The following CYP2C18 variants were observed in gnomAD, a reference collection of about 807,000 sequenced individuals.
The protein encoded by CYP2C18 is cytochrome P450 2C18.
Under a neutral mutation model 41.3 loss-of-function variants are expected in CYP2C18, and 38 were observed. The observed-to-expected ratio is 0.92, with a 90% CI of 0.71 to 1.21. The LOEUF is 1.21. CYP2C18 is among the 50% of genes most tolerant of loss of function. The pLI is 0.00. For missense variants in CYP2C18, 635 were observed against 591.4 expected (o/e 1.07, Z -0.77); for synonymous variants, 236 against 210.0 (o/e 1.12, Z -1.07).
At chr10:94,698,929 G>A (rs935191886) in intron 4 of CYP2C18, among the ~76,000 whole-genome samples, 27 of 152,116 alleles carry the variant, frequency 1.8e-4, no homozygotes, top group African/African-American at 6.5e-4. Flanking sequence ...AATAAACCAG[G>A]AAGAAGTTGA....
intron 1 of CYP2C18, among the ~76,000 whole-genome samples, chr10:94,687,248 TG>T (rs1401933861): frequency 2.0e-4 from 31 of 152,286 alleles, no homozygotes; most frequent in African/African-American, 7.0e-4. Flanking sequence ...TAGAATCATT[TG>T]GGTGATTTAA....
Position 94,712,015 on chromosome 10 carries a change from T to A in CYP2C18, c.819+5055T>A, listed in dbSNP as rs959201250. 1.7e-3 allele frequency among the ~76,000 whole-genome samples: 248 copies of A among 145,102 alleles called. 11 individuals are homozygous for A. The highest frequency in any genetic ancestry group is 6.2e-3 in the African/African-American group (241 of 38,700). On this transcript the variant is annotated intron_variant, in intron 5 of 8. Transcript: ENST00000285979. Reference sequence around the variant, plus strand: ...TGCCACCATGCCCAACTAATTTTTTTTTTTTTTTTTTTTGTAGAGATAGGG... The same window carrying A: ...TGCCACCATGCCCAACTAATTTTTTATTTTTTTTTTTTTGTAGAGATAGGG...
intron 3 of CYP2C18, among the ~76,000 whole-genome samples, chr10:94,691,150 A>G (rs780290337): frequency 6.6e-6 from 1 of 152,184 alleles, no homozygotes; most frequent in Non-Finnish European, 1.5e-5. Flanking sequence ...CCCGTTCAAC[A>G]TAGTGTCGGA....
intron 5 of CYP2C18, among the ~76,000 whole-genome samples, chr10:94,714,119 C>A (rs1847497070): frequency 6.6e-6 from 1 of 152,034 alleles, no homozygotes; most frequent in Admixed American, 6.6e-5. Context: ...TTCTCTCATT[C>A]TTTAGGTTGC....
intron 3 of CYP2C18, 29 bp downstream of exon 3, chr10:94,688,303 T>C (rs767208517): frequency 6.3e-7 from 1 of 1,577,070 alleles, no homozygotes; most frequent in Non-Finnish European, 8.6e-7. Context: ...TCCTGAAAAA[T>C]GTTTTCTAAA....
rs865843754 is a variant in CYP2C18 at position 94,735,469 on chromosome 10, C to T, written c.*25C>T. On this transcript the variant is annotated 3_prime_UTR_variant, in exon 9 of 9. Coordinates refer to ENST00000285979, the MANE Select transcript of CYP2C18 (RefSeq NM_000772.3). ...AAGAAGGGCAGATAGTTTGGCTGCT[C>T]CTGTGCTGTCACCTGCAATTCTCCC... 6.2e-7 allele frequency: 1 copy of T among 1,611,568 alleles called. No individual in the cohort carries two copies. Among genetic ancestry groups the T allele is most frequent in the Non-Finnish European group, 8.5e-7 (1 of 1,177,990 alleles).
At chr10:94,690,954 G>A (rs554430425) in intron 3 of CYP2C18, among the ~76,000 whole-genome samples, 2 of 149,288 alleles carry the variant, frequency 1.3e-5, no homozygotes, top group African/African-American at 4.9e-5. Context: ...TGCAGAAAAG[G>A]CCTTTGACAA....
intron 7 of CYP2C18, among the ~76,000 whole-genome samples, chr10:94,725,578 A>G (rs1296323710): frequency 1.3e-5 from 2 of 152,144 alleles, no homozygotes; most frequent in African/African-American, 4.8e-5. Context: ...ACATCTCACC[A>G]GTGAGAATGA....
At chr10:94,723,846 TAG>T (rs1396636673) in intron 6 of CYP2C18, among the ~76,000 whole-genome samples, 3 of 152,178 alleles carry the variant, frequency 2.0e-5, no homozygotes, top group African/African-American at 7.2e-5. Context: ...AAGAAACTTC[TAG>T]AATGTTTCAA....
intron 7 of CYP2C18, among the ~76,000 whole-genome samples, chr10:94,728,975 G>C (rs542235927): frequency 6.6e-6 from 1 of 152,158 alleles, no homozygotes; most frequent in African/African-American, 2.4e-5. Flanking sequence ...CTCGGGAGGG[G>C]ACCCGCTTTC....
rs1191211922 is a variant in CYP2C18 at position 94,694,924 on chromosome 10, C to T, written c.489C>T (p.Pro163=). The change falls in exon 4 of 9, where the codon CCC becomes CCT. Residue 163 remains proline, a synonymous_variant. Transcript: ENST00000285979. ...ATATTTCCAATCCTTTAGCCTCACC[C>T]TGTGATCCCACTTTCATCCTGGGCT... ...VEELRKTNAS[P]CDPTFILGCA... 2 of 1,611,962 alleles carry T rather than the reference C, an allele frequency of 1.2e-6. No individual in the cohort carries two copies. Among genetic ancestry groups the T allele is most frequent in the East Asian group, 4.5e-5 (2 of 44,828 alleles).
chr10:94,703,425 C>A (rs764846865), intron 4 of CYP2C18, among the ~76,000 whole-genome samples: 5 of 152,196 alleles, frequency 3.3e-5, no homozygotes, highest in African/African-American at 1.2e-4. Context: ...TTCACAGATG[C>A]CATGCCCAGA....
At chr10:94,723,969 A>T (rs1847689308) in intron 6 of CYP2C18, among the ~76,000 whole-genome samples, 1 of 152,144 alleles carries the variant, frequency 6.6e-6, no homozygotes, top group Admixed American at 6.6e-5. Context: ...CTGTTAGTAG[A>T]ATTAAAGTTT....
At chr10:94,710,481 T>C (rs1428788858) in intron 5 of CYP2C18, among the ~76,000 whole-genome samples, 20 of 152,226 alleles carry the variant, frequency 1.3e-4, no homozygotes, top group Admixed American at 1.3e-3. Flanking sequence ...TAATGCCATT[T>C]TAACGATATT....
At chr10:94,716,822 C>T (rs1248923141) in intron 5 of CYP2C18, among the ~76,000 whole-genome samples, 5 of 152,086 alleles carry the variant, frequency 3.3e-5, no homozygotes. Flanking sequence ...GTCTAATTAT[C>T]TTCGTAGGTC....
chr10:94,707,071 G>A lies in CYP2C18; in HGVS notation c.819+111G>A. The A allele has an allele frequency of 6.6e-6, 5 of 756,576 alleles. No homozygotes were observed. The South Asian group carries it at 7.3e-5, about 11-fold the overall frequency. The allele number at this position is 756,576 out of a possible 1,614,324, so 46.9% of individuals were successfully genotyped here. A position where few individuals can be genotyped will look rare whatever the true frequency, so the allele number is the denominator to read the frequency against. Reference sequence around the variant, plus strand: ...CATGAGCACTTTATGTACTTACCATGTGTATAGATCTGGATGAAGCACCAT... The same window carrying A: ...CATGAGCACTTTATGTACTTACCATATGTATAGATCTGGATGAAGCACCAT... On this transcript the variant is annotated intron_variant, in intron 5 of 8. Coordinates refer to ENST00000285979, the MANE Select transcript of CYP2C18 (RefSeq NM_000772.3).
chr10:94,708,788 GT>G (rs1564643404), intron 5 of CYP2C18, among the ~76,000 whole-genome samples: 2 of 152,014 alleles, frequency 1.3e-5, no homozygotes, highest in African/African-American at 4.8e-5. Flanking sequence ...GTCTCTATAG[GT>G]TTGCTATTGT....
At chr10:94,691,806 G>A (rs971929755) in intron 3 of CYP2C18, among the ~76,000 whole-genome samples, 3 of 152,142 alleles carry the variant, frequency 2.0e-5, no homozygotes, top group African/African-American at 7.2e-5. Flanking sequence ...AAACAGCATG[G>A]TACTGGTACC....
Position 94,735,518 on chromosome 10 carries a change from C to CATACACA in CYP2C18, c.*74_*75insATACACA. 1 of 1,441,238 alleles carries CATACACA rather than the reference C, an allele frequency of 6.9e-7. No homozygotes were observed. Among genetic ancestry groups the CATACACA allele is most frequent in the South Asian group, 1.2e-5 (1 of 85,200 alleles). 89.3% of individuals were successfully genotyped at this position (1,441,238 alleles called of 1,614,324 possible). On this transcript the variant is annotated 3_prime_UTR_variant, in exon 9 of 9. Transcript: ENST00000285979. ...CCTTATCAGGGCCATTGGCCTCTCCCTTCTCTCTGTGAGGGATATTTTCTC... is the reference window on the plus strand; with the variant it reads ...CCTTATCAGGGCCATTGGCCTCTCCCATACACATTCTCTCTGTGAGGGATATTTTCTC...
Sources: gnomAD v4.1 joint callset for allele counts (sites outside exome capture counted in the v4.1 genomes callset) on GRCh38, gnomAD v4.1.1 for gene constraint, MANE v1.5 for transcripts, NCBI Gene and HGNC (gene_info 2026-07-23, HGNC 2026-07-21) for gene names.